TSHZ2: variants seen among roughly 807,000 people sequenced by gnomAD.
The protein encoded by TSHZ2 is teashirt homolog 2.
A neutral mutation model predicts 74.4 loss-of-function variants in TSHZ2; 21 were observed. That is an observed-to-expected ratio of 0.28 (90% CI 0.20 to 0.41). TSHZ2 has a LOEUF of 0.41. Ranked by LOEUF, TSHZ2 falls within the 10% of genes least tolerant of loss-of-function variation. TSHZ2 has a pLI of 1.00. For synonymous variants in TSHZ2, 540 were observed against 515.3 expected (o/e 1.05, Z -0.65); for missense variants, 1,244 against 1,293.5 (o/e 0.96, Z 0.59).
At chr20:53,334,279 G>T (rs1600815630) in intron 2 of TSHZ2, among the ~76,000 whole-genome samples, 1 of 152,168 alleles carries the variant, frequency 6.6e-6, no homozygotes, top group Non-Finnish European at 1.5e-5. Flanking sequence ...GGAGGTCAAG[G>T]GATACAGTGT....
intron 2 of TSHZ2, among the ~76,000 whole-genome samples, chr20:53,395,301 G>A (rs1007812696): frequency 2.6e-5 from 4 of 152,158 alleles, no homozygotes; most frequent in African/African-American, 4.8e-5. Flanking sequence ...AATTAGAGAC[G>A]ATGAGTAAGC....
At chr20:53,295,966 G>T (rs1377501921) in intron 2 of TSHZ2, among the ~76,000 whole-genome samples, 1 of 146,070 alleles carries the variant, frequency 6.8e-6, no homozygotes, top group Admixed American at 7.0e-5. Context: ...TATATCTAAT[G>T]TTCTGCACCT....
chr20:53,348,925 G>A (rs1368696899), intron 2 of TSHZ2, among the ~76,000 whole-genome samples: 1 of 152,168 alleles, frequency 6.6e-6, no homozygotes, highest in Non-Finnish European at 1.5e-5. Context: ...AGGATACCAA[G>A]CTAACGAGAT....
intron 2 of TSHZ2, among the ~76,000 whole-genome samples, chr20:53,469,043 T>TA (rs1568931491): frequency 1.5e-4 from 2 of 13,694 alleles, no homozygotes; most frequent in East Asian, 3.2e-3. Flanking sequence ...GAAATCGATA[T>TA]TTTATATATA....
intron 1 of TSHZ2, among the ~76,000 whole-genome samples, chr20:53,187,137 CA>C: frequency 6.6e-6 from 1 of 152,098 alleles, no homozygotes; most frequent in East Asian, 1.9e-4. Context: ...AATGATTTGA[CA>C]CTCGCCGCAC....
At chr20:53,149,617 G>A (rs1363886032) in intron 1 of TSHZ2, among the ~76,000 whole-genome samples, 4 of 152,146 alleles carry the variant, frequency 2.6e-5, no homozygotes, top group Admixed American at 1.3e-4. Context: ...TGAGGAGACC[G>A]TAACAGGAAA....
chr20:53,025,777 C>T (rs547805214), intron 1 of TSHZ2, among the ~76,000 whole-genome samples: 1 of 152,352 alleles, frequency 6.6e-6, no homozygotes, highest in African/African-American at 2.4e-5. Context: ...GCAGTGCACA[C>T]AGGCCCCCAA....
At chr20:53,042,280 T>G (rs1457795011) in intron 1 of TSHZ2, among the ~76,000 whole-genome samples, 1 of 152,200 alleles carries the variant, frequency 6.6e-6, no homozygotes, top group African/African-American at 2.4e-5. Flanking sequence ...AAGTTCATCT[T>G]TTTAGAGGGT....
rs1292963362 is a variant in TSHZ2 at position 53,255,381 on chromosome 20, A to G, written c.1923A>G (p.Pro641=). Residue 641 remains proline, a synonymous_variant, in exon 2 of 3, where the codon CCA becomes CCG. Transcript: ENST00000371497. The surrounding 1 kb of genome is among the most constrained non-coding windows in gnomAD (Gnocchi z 4.1). ...CTTTCCGCAAAAGTGAAACACCTCC[A>G]GAAGCCAAAAAGACCGAGCTGGGTC... ...GDSFRKSETP[P]EAKKTELGPL... 3.1e-6 allele frequency: 5 copies of G among 1,613,942 alleles called. No individual in the cohort carries two copies. The highest frequency in any genetic ancestry group is 1.6e-4 in the Middle Eastern group (1 of 6,084).
At chr20:53,250,710 T>G (rs1026486056) in intron 1 of TSHZ2, among the ~76,000 whole-genome samples, 5 of 152,050 alleles carry the variant, frequency 3.3e-5, no homozygotes, top group Admixed American at 2.6e-4. Flanking sequence ...AGCAGAAAAT[T>G]TTATCTGTAT....
At chr20:52,987,838 T>C (rs1051658354) in intron 1 of TSHZ2, among the ~76,000 whole-genome samples, 12 of 152,126 alleles carry the variant, frequency 7.9e-5, no homozygotes, top group African/African-American at 1.9e-4. Context: ...TCCAGATCAG[T>C]GAGACAAGAA....
intron 2 of TSHZ2, among the ~76,000 whole-genome samples, chr20:53,381,961 G>T (rs928146065): frequency 1.3e-5 from 2 of 152,084 alleles, no homozygotes; most frequent in African/African-American, 4.8e-5. Context: ...CCTTTTTTGG[G>T]GACAAGGAAA....
chr20:53,019,258 T>C (rs901425132), intron 1 of TSHZ2, among the ~76,000 whole-genome samples: 105 of 152,182 alleles, frequency 6.9e-4, no homozygotes, highest in African/African-American at 2.4e-3. Context: ...GTTTTTTTTT[T>C]TTTCTTTTAA....
intron 2 of TSHZ2, among the ~76,000 whole-genome samples, chr20:53,276,360 A>G (rs1250470306): frequency 6.6e-6 from 1 of 152,166 alleles, no homozygotes; most frequent in Non-Finnish European, 1.5e-5. Context: ...ATTCCAGGAC[A>G]GTGTGTCTGC....
chr20:53,296,889 T>C (rs761225227), intron 2 of TSHZ2, among the ~76,000 whole-genome samples: 3 of 152,240 alleles, frequency 2.0e-5, no homozygotes, highest in Non-Finnish European at 2.9e-5. Flanking sequence ...AAATGGACTT[T>C]GGAGTCTGCT....
At chr20:53,312,047 C>A (rs1306241196) in intron 2 of TSHZ2, among the ~76,000 whole-genome samples, 1 of 152,078 alleles carries the variant, frequency 6.6e-6, no homozygotes, top group Admixed American at 6.5e-5. Context: ...TGCCACTGCA[C>A]TCTAGCCTGG....
intron 2 of TSHZ2, among the ~76,000 whole-genome samples, chr20:53,326,921 T>C (rs1979517582): frequency 1.3e-5 from 2 of 152,164 alleles, no homozygotes; most frequent in South Asian, 4.1e-4. Context: ...GAAAATTAGG[T>C]CCCGTGATAC....
intron 2 of TSHZ2, among the ~76,000 whole-genome samples, chr20:53,265,603 C>T (rs1390459951): frequency 2.0e-5 from 3 of 152,220 alleles, no homozygotes; most frequent in African/African-American, 4.8e-5. Flanking sequence ...AATGCCACCT[C>T]CCTGGCTCCC....
chr20:53,446,133 C>A (rs924026209), intron 2 of TSHZ2, among the ~76,000 whole-genome samples: 46 of 152,280 alleles, frequency 3.0e-4, no homozygotes, highest in Admixed American at 2.9e-3. Flanking sequence ...TTTCTCCAAG[C>A]AGATGTGATG....
Sources: allele counts gnomAD v4.1 joint callset (sites outside exome capture counted in the v4.1 genomes callset), GRCh38; gene constraint gnomAD v4.1.1; non-coding constraint Gnocchi (gnomAD v3.1); transcripts MANE v1.5; gene names NCBI Gene and HGNC (gene_info 2026-07-23, HGNC 2026-07-21).